The following MAST4 variants were observed in gnomAD, a reference collection of about 807,000 sequenced individuals.
MAST4 encodes microtubule-associated serine/threonine-protein kinase 4.
MAST4 carries 89 observed loss-of-function variants against 162.7 expected under a neutral mutation model. The ratio of observed to expected loss-of-function variants is 0.55; its 90% CI spans 0.46 to 0.65. The LOEUF (loss-of-function observed/expected upper bound fraction) is 0.65, where lower values mean the gene tolerates loss of function less well. Ranked by LOEUF, MAST4 falls within the 30% of genes least tolerant of loss-of-function variation. MAST4 has a pLI of 0.00. For missense variants in MAST4, 3,153 were observed against 3,374.0 expected (o/e 0.93, Z 1.62); for synonymous variants, 1,479 against 1,361.1 (o/e 1.09, Z -1.91).
At chr5:67,161,302 G>A (rs755169932) in intron 27 of MAST4, among the ~76,000 whole-genome samples, 5 of 151,898 alleles carry the variant, frequency 3.3e-5, no homozygotes, top group Non-Finnish European at 7.4e-5. Flanking sequence ...ACAAGCAAAC[G>A]AAAAGCCATG....
intron 4 of MAST4, among the ~76,000 whole-genome samples, chr5:66,936,454 G>C (rs1742760091): frequency 6.6e-6 from 1 of 152,190 alleles, no homozygotes; most frequent in African/African-American, 2.4e-5. Flanking sequence ...AGTCCGAAAA[G>C]AGAGTCAGGG....
At chr5:66,680,838 G>A (rs900496882) in intron 1 of MAST4, among the ~76,000 whole-genome samples, 9 of 152,176 alleles carry the variant, frequency 5.9e-5, no homozygotes, top group African/African-American at 2.2e-4. Flanking sequence ...TCTTTCAGGA[G>A]CCTCTTCCAG....
intron 3 of MAST4, among the ~76,000 whole-genome samples, chr5:66,827,922 A>G (rs1757350823): frequency 6.6e-6 from 1 of 152,204 alleles, no homozygotes; most frequent in Non-Finnish European, 1.5e-5. Context: ...CTTAATATTC[A>G]TCTCTTGGTT....
intron 1 of MAST4, among the ~76,000 whole-genome samples, chr5:66,668,411 T>A (rs1396632250): frequency 1.3e-5 from 2 of 152,228 alleles, no homozygotes; most frequent in Admixed American, 1.3e-4. Flanking sequence ...TTACTGACTT[T>A]ATAGAAAGGA....
intron 3 of MAST4, among the ~76,000 whole-genome samples, chr5:66,824,794 G>A (rs1757163116): frequency 1.3e-5 from 2 of 152,308 alleles, no homozygotes; most frequent in Admixed American, 1.3e-4. Flanking sequence ...TTATTGTACT[G>A]AATACGTAGT....
intron 4 of MAST4, among the ~76,000 whole-genome samples, chr5:66,909,313 AACTC>A (rs1763592021): frequency 6.6e-6 from 1 of 152,162 alleles, no homozygotes; most frequent in African/African-American, 2.4e-5. Context: ...GCCGTGAAGG[AACTC>A]ACTCCCTGTC....
intron 4 of MAST4, among the ~76,000 whole-genome samples, chr5:67,053,926 G>A (rs1001433776): frequency 1.3e-5 from 2 of 152,150 alleles, no homozygotes; most frequent in African/African-American, 4.8e-5. Flanking sequence ...ATTTATCTTA[G>A]GCATCAGCTA....
At chr5:66,943,959 A>G (rs1167850064) in intron 4 of MAST4, among the ~76,000 whole-genome samples, 2 of 152,092 alleles carry the variant, frequency 1.3e-5, no homozygotes, top group Admixed American at 6.6e-5. Flanking sequence ...TCTTATAACA[A>G]TCTTGGGTTT....
chr5:66,640,772 G>A (rs971548144), intron 1 of MAST4, among the ~76,000 whole-genome samples: 1 of 152,170 alleles, frequency 6.6e-6, no homozygotes, highest in African/African-American at 2.4e-5. Flanking sequence ...TGGACCGTAT[G>A]GTGGTTCTAT....
chr5:66,909,770 C>T (rs1003268219), intron 4 of MAST4, among the ~76,000 whole-genome samples: 57 of 152,284 alleles, frequency 3.7e-4, no homozygotes, highest in African/African-American at 1.2e-3. Flanking sequence ...AAAATCCCCA[C>T]GTCAAAGGTA....
At chr5:67,092,391 C>A (rs1408531601) in intron 6 of MAST4, among the ~76,000 whole-genome samples, 1 of 152,028 alleles carries the variant, frequency 6.6e-6, no homozygotes, top group Non-Finnish European at 1.5e-5. Context: ...TTTTAAAATG[C>A]AGATTTGAGA....
At chr5:67,043,414 G>A (rs889261590) in intron 4 of MAST4, among the ~76,000 whole-genome samples, 2 of 152,174 alleles carry the variant, frequency 1.3e-5, no homozygotes, top group Non-Finnish European at 2.9e-5. Flanking sequence ...ATTGGGACAT[G>A]AGGTACAGGA....
chr5:66,929,183 A>T (rs1043356713), intron 4 of MAST4, among the ~76,000 whole-genome samples: 3 of 152,180 alleles, frequency 2.0e-5, no homozygotes, highest in African/African-American at 7.2e-5. Flanking sequence ...TGTAATTATC[A>T]GTCTGAGGCA....
At chr5:67,027,480 T>TGG (rs997297506) in intron 4 of MAST4, among the ~76,000 whole-genome samples, 5 of 152,174 alleles carry the variant, frequency 3.3e-5, no homozygotes, top group Non-Finnish European at 5.9e-5. Flanking sequence ...AGTTTAGTGA[T>TGG]GGAGTCTTAG....
chr5:66,802,965 C>T (rs1490943473), intron 3 of MAST4, among the ~76,000 whole-genome samples: 1 of 152,108 alleles, frequency 6.6e-6, no homozygotes, highest in East Asian at 1.9e-4. Context: ...ATTAACTGTT[C>T]TTCAAAACTC....
At chr5:66,803,978 C>A (rs2149701860) in intron 3 of MAST4, among the ~76,000 whole-genome samples, 1 of 151,322 alleles carries the variant, frequency 6.6e-6, no homozygotes, top group Non-Finnish European at 1.5e-5. Flanking sequence ...GTGAAGAATA[C>A]CCCTTTTCTT....
chr5:67,053,615 G>T (rs1019683466), intron 4 of MAST4, among the ~76,000 whole-genome samples: 1 of 152,170 alleles, frequency 6.6e-6, no homozygotes, highest in African/African-American at 2.4e-5. Context: ...TCACCCATCC[G>T]CCAGTTTTGT....
intron 4 of MAST4, among the ~76,000 whole-genome samples, chr5:66,922,148 G>T (rs1418482895): frequency 6.6e-6 from 1 of 152,196 alleles, no homozygotes; most frequent in East Asian, 1.9e-4. Flanking sequence ...CCTAAGAGAA[G>T]ATGCAGTTCT....
intron 1 of MAST4, among the ~76,000 whole-genome samples, chr5:66,678,755 A>G (rs773310510): frequency 2.2e-4 from 33 of 150,386 alleles, no homozygotes; most frequent in Non-Finnish European, 4.4e-4. Context: ...GGCCTCCCAC[A>G]GTGCTGGATT....
Sources: gnomAD v4.1 joint callset for allele counts (sites outside exome capture counted in the v4.1 genomes callset) on GRCh38, gnomAD v4.1.1 for gene constraint, MANE v1.5 for transcripts, NCBI Gene and HGNC (gene_info 2026-07-23, HGNC 2026-07-21) for gene names.